RNFT2: variants seen among roughly 807,000 people sequenced by gnomAD.
The protein encoded by RNFT2 is ring finger protein, transmembrane 2.
RNFT2 carries 36 observed loss-of-function variants against 53.0 expected under a neutral mutation model. The ratio of observed to expected loss-of-function variants is 0.68; its 90% CI spans 0.52 to 0.90. The LOEUF (loss-of-function observed/expected upper bound fraction) is 0.90. Among genes scored for constraint, RNFT2 ranks in the 40% least tolerant of loss-of-function variants. RNFT2 has a pLI of 0.00. For synonymous variants in RNFT2, 260 were observed against 253.2 expected (o/e 1.03, Z -0.26); for missense variants, 514 against 585.6 (o/e 0.88, Z 1.26).
chr12:116,744,225 CAA>C (rs5801197), intron 3 of RNFT2, among the ~76,000 whole-genome samples: 5 of 100,046 alleles, frequency 5.0e-5, no homozygotes, highest in Admixed American at 1.1e-4. Flanking sequence ...GACTCCTCCT[CAA>C]AAAAAAAAAA....
chr12:116,743,243 AACCG>A lies in RNFT2; in HGVS notation c.83+2150_83+2153del, dbSNP rs1566066782. ...AAAAAAAAAAAAAAAAAAAAAAAAA[AACCG>A]GTTAAAAAACACTCATGAGCTAGAA... On this transcript the variant is annotated intron_variant, in intron 3 of 10. Coordinates refer to ENST00000257575, the MANE Select transcript of RNFT2 (RefSeq NM_001382266.1). 7.6e-4 allele frequency among the ~76,000 whole-genome samples: 61 copies of A among 80,142 alleles called. 16 individuals carry two copies. The highest frequency in any genetic ancestry group is 1.2e-3 in the African/African-American group (19 of 16,482). The allele number at this position is 80,142 out of a possible 152,430, so 52.6% of individuals were successfully genotyped here.
chr12:116,825,295 G>A (rs1555209075), intron 7 of RNFT2, among the ~76,000 whole-genome samples: 1 of 152,238 alleles, frequency 6.6e-6, no homozygotes, highest in Non-Finnish European at 1.5e-5. Flanking sequence ...AAGGAAGGAA[G>A]TGAAAGCTGT....
intron 3 of RNFT2, among the ~76,000 whole-genome samples, chr12:116,743,213 T>A (rs1291816587): frequency 3.7e-4 from 4 of 10,672 alleles, no homozygotes; most frequent in Admixed American, 2.0e-3. Context: ...AGGTAGAATC[T>A]AAAAAAAAAA....
In RNFT2 at chr12:116,744,288, G is replaced by A. The variant is rs561722810; in HGVS notation, c.83+3194G>A. 2.6e-5 allele frequency among the ~76,000 whole-genome samples: 4 copies of A among 151,066 alleles called. No individual in the cohort carries two copies. In the South Asian group the frequency reaches 8.4e-4, roughly 32 times the overall value. ...GAGTGAGTGTGAAGATGCAGAAACA[G>A]CATCCGGCTTGTAATAAGCCTGCCT... On this transcript the variant is annotated intron_variant, in intron 3 of 10. Coordinates refer to ENST00000257575, the MANE Select transcript of RNFT2 (RefSeq NM_001382266.1).
intron 6 of RNFT2, among the ~76,000 whole-genome samples, chr12:116,772,554 C>T (rs1873250193): frequency 6.6e-6 from 1 of 152,164 alleles, no homozygotes; most frequent in African/African-American, 2.4e-5. Flanking sequence ...ATCCACCCGC[C>T]TCGGCCTCCC....
intron 7 of RNFT2, among the ~76,000 whole-genome samples, chr12:116,807,514 A>C (rs1040936486): frequency 6.6e-6 from 1 of 152,116 alleles, no homozygotes; most frequent in East Asian, 1.9e-4. Flanking sequence ...CAGAGAAGGT[A>C]AGTGACTTGC....
chr12:116,832,666 C>A (rs369916906), intron 7 of RNFT2, among the ~76,000 whole-genome samples: 1 of 152,158 alleles, frequency 6.6e-6, no homozygotes, highest in East Asian at 1.9e-4. Flanking sequence ...TTTTACAACA[C>A]AGGCCACAGA....
chr12:116,787,184 G>C (rs1052009223), intron 7 of RNFT2, among the ~76,000 whole-genome samples: 2 of 152,198 alleles, frequency 1.3e-5, no homozygotes, highest in African/African-American at 4.8e-5. Flanking sequence ...ACACCCAGTT[G>C]CTCAGTTATA....
At chr12:116,748,098 G>A (rs1054476289) in intron 3 of RNFT2, among the ~76,000 whole-genome samples, 1 of 152,094 alleles carries the variant, frequency 6.6e-6, no homozygotes, top group African/African-American at 2.4e-5. Context: ...GCTGAGGCAG[G>A]AGAATCGCTT....
At chr12:116,814,871 G>A (rs1875571387) in intron 7 of RNFT2, among the ~76,000 whole-genome samples, 1 of 152,022 alleles carries the variant, frequency 6.6e-6, no homozygotes, top group Non-Finnish European at 1.5e-5. Flanking sequence ...TACAGATGGT[G>A]TTTCACCTGC....
At chr12:116,823,923 G>A (rs1876190364) in intron 7 of RNFT2, among the ~76,000 whole-genome samples, 1 of 152,092 alleles carries the variant, frequency 6.6e-6, no homozygotes, top group Admixed American at 6.5e-5. Flanking sequence ...AGGAAACTGA[G>A]GCACAAAAGG....
chr12:116,821,248 T>C (rs1876003682), intron 7 of RNFT2, among the ~76,000 whole-genome samples: 1 of 151,520 alleles, frequency 6.6e-6, no homozygotes, highest in African/African-American at 2.4e-5. Flanking sequence ...CTTCCTGTGC[T>C]CTTCTCTAGC....
intron 7 of RNFT2, among the ~76,000 whole-genome samples, chr12:116,785,867 G>A (rs1157396398): frequency 6.6e-6 from 1 of 152,052 alleles, no homozygotes; most frequent in African/African-American, 2.4e-5. Context: ...TGGGCAGCAT[G>A]GTGAAACCCT....
In RNFT2 at chr12:116,833,946, G is replaced by A. The variant is rs1296526258; in HGVS notation, c.1032+5G>A. ...GTTCTCTACAGCCTCTGCAAGGTGA[G>A]GTGGCCCCAAGGCTGGAGGGCCGGC... On this transcript the variant is annotated splice_donor_5th_base_variant and intron_variant, in intron 8 of 10. Transcript: ENST00000257575. 2.5e-6 allele frequency: 4 copies of A among 1,597,478 alleles called. No homozygotes were observed. Among genetic ancestry groups the A allele is most frequent in the South Asian group, 1.1e-5 (1 of 87,872 alleles).
At chr12:116,764,677 A>T (rs1331652400) in intron 5 of RNFT2, among the ~76,000 whole-genome samples, 1 of 152,242 alleles carries the variant, frequency 6.6e-6, no homozygotes, top group Non-Finnish European at 1.5e-5. Context: ...AGATCACCTG[A>T]GTTCAGCAGT....
At chr12:116,753,847 G>A in intron 4 of RNFT2, 137 bp from the exon 5 acceptor site, 3 of 646,144 alleles carry the variant, frequency 4.6e-6, no homozygotes, top group Non-Finnish European at 2.7e-6. Context: ...CCAAGAAGTG[G>A]GATTTTTTTT....
At chr12:116,766,442 AC>A (rs1448096560) in intron 5 of RNFT2, among the ~76,000 whole-genome samples, 1 of 152,220 alleles carries the variant, frequency 6.6e-6, no homozygotes, top group East Asian at 1.9e-4. Context: ...ACTAAGATAT[AC>A]CCATTTTACA....
intron 7 of RNFT2, among the ~76,000 whole-genome samples, chr12:116,785,247 T>TTGTGTG (rs1482802209): frequency 1.0e-4 from 2 of 19,478 alleles, no homozygotes; most frequent in Non-Finnish European, 2.1e-4. Flanking sequence ...GATTACCTAC[T>TTGTGTG]TCTGTGTGTG....
intron 7 of RNFT2, among the ~76,000 whole-genome samples, chr12:116,800,858 TAAAAA>T (rs762342584): frequency 0.015 from 2,151 of 141,800 alleles, 39 homozygotes; most frequent in South Asian, 0.052. Context: ...TAAAATAAAA[TAAAAA>T]CCATTTAACA....
Sources: allele counts gnomAD v4.1 joint callset (sites outside exome capture counted in the v4.1 genomes callset), GRCh38; gene constraint gnomAD v4.1.1; transcripts MANE v1.5; gene names NCBI Gene and HGNC (gene_info 2026-07-23, HGNC 2026-07-21).